Variants in ZFYVE9 observed in about 807,000 individuals in gnomAD.
ZFYVE9 encodes zinc finger FYVE domain-containing protein 9.
ZFYVE9 carries 43 observed loss-of-function variants against 126.7 expected under a neutral mutation model. The ratio of observed to expected loss-of-function variants is 0.34; its 90% CI spans 0.27 to 0.44. The LOEUF is 0.44. Among genes scored for constraint, ZFYVE9 ranks in the 20% least tolerant of loss-of-function variants. The probability of loss-of-function intolerance (pLI) is 1.00; values close to 1 mark genes in which losing one functional copy is unlikely to be tolerated. For missense variants in ZFYVE9, 1,476 were observed against 1,697.0 expected, an observed-to-expected ratio of 0.87 and a Z score of 2.29; for synonymous variants, 521 against 597.4, an observed-to-expected ratio of 0.87 and a Z score of 1.87.
At chr1:52,333,808 A>C (rs995397569) in intron 14 of ZFYVE9, among the ~76,000 whole-genome samples, 3 of 151,046 alleles carry the variant, frequency 2.0e-5, no homozygotes, top group African/African-American at 7.4e-5. Context: ...AAAAAAAAAA[A>C]AGCAGGGCAT....
intron 2 of ZFYVE9, among the ~76,000 whole-genome samples, chr1:52,219,759 G>T (rs1645106217): frequency 1.5e-5 from 2 of 132,538 alleles, no homozygotes; most frequent in African/African-American, 5.5e-5. Context: ...TTGTGTGTGT[G>T]TGTGTGTGTG....
chr1:52,254,651 A>C (rs114842193), intron 4 of ZFYVE9, among the ~76,000 whole-genome samples: 1 of 152,186 alleles, frequency 6.6e-6, no homozygotes, highest in African/African-American at 2.4e-5. Context: ...TAGCAAATAC[A>C]TTTAAAGTAA....
chr1:52,265,194 T>C (rs1478789059), intron 5 of ZFYVE9, among the ~76,000 whole-genome samples: 2 of 152,186 alleles, frequency 1.3e-5, no homozygotes, highest in African/African-American at 2.4e-5. Flanking sequence ...TTTTCCAGTG[T>C]CTTTCCTCTC....
intron 1 of ZFYVE9, among the ~76,000 whole-genome samples, chr1:52,149,574 C>G (rs1644335357): frequency 6.6e-6 from 1 of 152,162 alleles, no homozygotes; most frequent in South Asian, 2.1e-4. Context: ...TATATAAATA[C>G]AAATGTCATT....
intron 1 of ZFYVE9, among the ~76,000 whole-genome samples, chr1:52,147,339 T>C (rs1389028065): frequency 6.6e-6 from 1 of 152,240 alleles, no homozygotes; most frequent in African/African-American, 2.4e-5. Flanking sequence ...CACTGCTGTC[T>C]AATTTTAGAA....
At chr1:52,169,316 C>T (rs1468496277) in intron 1 of ZFYVE9, among the ~76,000 whole-genome samples, 1 of 152,122 alleles carries the variant, frequency 6.6e-6, no homozygotes, top group East Asian at 1.9e-4. Flanking sequence ...GTGAGGTTCA[C>T]CTAAGCCCAG....
intron 2 of ZFYVE9, among the ~76,000 whole-genome samples, chr1:52,217,962 C>T (rs1030216682): frequency 6.6e-6 from 1 of 152,286 alleles, no homozygotes; most frequent in African/African-American, 2.4e-5. Flanking sequence ...TGATGAATTG[C>T]TGCTGATTGT....
chr1:52,285,333 G>A (rs1004249975), intron 10 of ZFYVE9, among the ~76,000 whole-genome samples: 6 of 151,832 alleles, frequency 4.0e-5, no homozygotes, highest in East Asian at 3.9e-4. Flanking sequence ...GTTCTAAAAC[G>A]GGGTCCCCAA....
intron 1 of ZFYVE9, among the ~76,000 whole-genome samples, chr1:52,170,721 GC>G (rs1572070973): frequency 6.6e-6 from 1 of 151,970 alleles, no homozygotes; most frequent in African/African-American, 2.4e-5. Context: ...TTCCTTACTG[GC>G]CATTCAGGAG....
intron 4 of ZFYVE9, among the ~76,000 whole-genome samples, chr1:52,260,741 C>A (rs1280469905): frequency 6.6e-6 from 1 of 152,036 alleles, no homozygotes; most frequent in Non-Finnish European, 1.5e-5. Flanking sequence ...GGCTTGAACC[C>A]TAGAGGCGGA....
At chr1:52,294,019 G>A (rs1048639637) in intron 11 of ZFYVE9, among the ~76,000 whole-genome samples, 11 of 152,086 alleles carry the variant, frequency 7.2e-5, no homozygotes, top group African/African-American at 2.2e-4. Flanking sequence ...AAACAGTTAC[G>A]ATCAATTATA....
At chr1:52,338,155 T>G (rs1194514547) in intron 16 of ZFYVE9, among the ~76,000 whole-genome samples, 2 of 152,204 alleles carry the variant, frequency 1.3e-5, no homozygotes, top group African/African-American at 4.8e-5. Context: ...GTAGAGGGAT[T>G]GATGAAACAA....
Position 52,344,907 on chromosome 1 carries a change from C to G in ZFYVE9, c.4079C>G (p.Thr1360Ser). ...HLKLLKEDGMTKLGLRVTLDS... is the reference protein window; with the variant it reads ...HLKLLKEDGMSKLGLRVTLDS... ...AAACTTCTGAAGGAAGATGGAATGA[C>G]CAAACTGGGACTACGTGTGACACTT... The change falls in exon 18 of 19, where the codon ACC becomes AGC. Residue 1360 changes from threonine to serine, a missense_variant. Coordinates refer to ENST00000287727, the MANE Select transcript of ZFYVE9 (RefSeq NM_004799.4). 1.2e-6 allele frequency: 2 copies of G among 1,614,144 alleles called. No individual in the cohort carries two copies. Among genetic ancestry groups the G allele is most frequent in the Non-Finnish European group, 1.7e-6 (2 of 1,180,034 alleles).
intron 10 of ZFYVE9, among the ~76,000 whole-genome samples, chr1:52,288,404 ATCCT>A (rs991720920): frequency 3.3e-5 from 5 of 152,060 alleles, no homozygotes; most frequent in African/African-American, 1.2e-4. Flanking sequence ...GGCCCAAGTG[ATCCT>A]TCCTCCTCAG....
At chr1:52,271,504 A>G (rs1040183332) in intron 7 of ZFYVE9, among the ~76,000 whole-genome samples, 2 of 152,172 alleles carry the variant, frequency 1.3e-5, no homozygotes, top group Non-Finnish European at 2.9e-5. Context: ...TACATGTGCA[A>G]TGGTGGTTTG....
Position 52,209,724 on chromosome 1 carries a change from C to A in ZFYVE9, c.-142-6645C>A, listed in dbSNP as rs1429858948. Among the ~76,000 whole-genome samples, 3 of 152,040 alleles carry A rather than the reference C, an allele frequency of 2.0e-5. No individual in the cohort carries two copies. The South Asian group carries it at 6.2e-4, about 32-fold the overall frequency. On this transcript the variant is annotated intron_variant, in intron 1 of 18. Coordinates refer to ENST00000287727, the MANE Select transcript of ZFYVE9 (RefSeq NM_004799.4). ...TTGAGAATTGAGGGTTTGTGTTGAT[C>A]AAGATGACTACTGCATAGAGTAAGA...
chr1:52,346,335 G>T lies in ZFYVE9; in HGVS notation c.*114G>T. 1 of 1,109,816 alleles carries T rather than the reference G, an allele frequency of 9.0e-7. No individual in the cohort carries two copies. Among genetic ancestry groups the T allele is most frequent in the Non-Finnish European group, 1.2e-6 (1 of 813,220 alleles). 68.7% of individuals were successfully genotyped at this position (1,109,816 alleles called of 1,614,324 possible). On this transcript the variant is annotated 3_prime_UTR_variant, in exon 19 of 19. Coordinates refer to ENST00000287727, the MANE Select transcript of ZFYVE9 (RefSeq NM_004799.4). Reference sequence around the variant, plus strand: ...CTTTTGTTAACACTATTAATGGGGTGGGGAATAGGGTGGGAGTGGGGGTTT... The same window carrying T: ...CTTTTGTTAACACTATTAATGGGGTTGGGAATAGGGTGGGAGTGGGGGTTT...
At chr1:52,292,868 T>A (rs988316050) in intron 10 of ZFYVE9, among the ~76,000 whole-genome samples, 1 of 152,188 alleles carries the variant, frequency 6.6e-6, no homozygotes, top group Admixed American at 6.5e-5. Flanking sequence ...GGCATCAATA[T>A]TTTTGGCTTT....
chr1:52,344,302 C>T (rs2147880318), intron 17 of ZFYVE9, among the ~76,000 whole-genome samples: 1 of 152,314 alleles, frequency 6.6e-6, no homozygotes, highest in East Asian at 1.9e-4. Context: ...TCCTCTGTCT[C>T]TTAAATTCTT....
Sources: gnomAD v4.1 joint callset for allele counts (sites outside exome capture counted in the v4.1 genomes callset) on GRCh38, gnomAD v4.1.1 for gene constraint, MANE v1.5 for transcripts, NCBI Gene and HGNC (gene_info 2026-07-23, HGNC 2026-07-21) for gene names.